KLHL29: variants seen among roughly 807,000 people sequenced by gnomAD.
The protein encoded by KLHL29 is kelch-like protein 29.
In KLHL29, 21 loss-of-function variants were observed where a neutral mutation model predicts 80.4. The observed-to-expected ratio is 0.26, with a 90% confidence interval of 0.19 to 0.38. KLHL29 has a LOEUF of 0.38. KLHL29 is among the 10% of genes least tolerant of loss of function. The probability of loss-of-function intolerance (pLI) is 1.00; values close to 1 mark genes in which losing one functional copy is unlikely to be tolerated. For missense variants in KLHL29, 867 were observed against 1,223.9 expected, an observed-to-expected ratio of 0.71 and a Z score of 4.35; for synonymous variants, 511 against 526.8, an observed-to-expected ratio of 0.97 and a Z score of 0.41.
chr2:23,439,204 T>C (rs1663437200), intron 1 of KLHL29, among the ~76,000 whole-genome samples: 1 of 151,788 alleles, frequency 6.6e-6, no homozygotes. Context: ...TCTCTCTTTT[T>C]TTCTTTATTA....
At chr2:23,469,028 C>T (rs1277777504) in intron 1 of KLHL29, among the ~76,000 whole-genome samples, 2 of 152,244 alleles carry the variant, frequency 1.3e-5, no homozygotes, top group Non-Finnish European at 2.9e-5. Flanking sequence ...TTGCTTTCTT[C>T]TCATGGCTCT....
At chr2:23,441,144 C>A (rs1352911533) in intron 1 of KLHL29, among the ~76,000 whole-genome samples, 2 of 152,028 alleles carry the variant, frequency 1.3e-5, no homozygotes, top group Non-Finnish European at 2.9e-5. Flanking sequence ...GAATACTATG[C>A]AGCCATAAAA....
intron 1 of KLHL29, among the ~76,000 whole-genome samples, chr2:23,463,017 CTT>C (rs1664256965): frequency 6.6e-6 from 1 of 150,376 alleles, no homozygotes; most frequent in Non-Finnish European, 1.5e-5. Flanking sequence ...AATATTTCCA[CTT>C]ATATTTCATG....
In KLHL29 at chr2:23,645,283, G is replaced by A. The variant is rs561705950; in HGVS notation, c.940+2433G>A. ...CTTTGAAACTTGCCATGTGAGAGTC[G>A]TGTTCCTGACAGGACCAGGTGGGCT... On this transcript the variant is annotated intron_variant, in intron 5 of 13. Transcript: ENST00000486442. 5.3e-5 allele frequency among the ~76,000 whole-genome samples: 8 copies of A among 152,244 alleles called. No individual in the cohort carries two copies. In the East Asian group the frequency reaches 1.4e-3, roughly 26 times the overall value.
intron 1 of KLHL29, among the ~76,000 whole-genome samples, chr2:23,387,702 A>T (rs959656498): frequency 6.6e-6 from 1 of 152,122 alleles, no homozygotes; most frequent in Non-Finnish European, 1.5e-5. Context: ...ATTAGTCCAT[A>T]ATCTAGGTGT....
chr2:23,671,067 G>C lies in KLHL29; in HGVS notation c.941-13332G>C, dbSNP rs1486618918. Among the ~76,000 whole-genome samples the C allele has an allele frequency of 3.0e-4, 4 of 13,326 alleles. 1 individual carries two copies. Among genetic ancestry groups the C allele is most frequent in the Non-Finnish European group, 1.9e-3 (3 of 1,558 alleles). The allele number at this position is 13,326 out of a possible 152,430, so 8.7% of individuals were successfully genotyped here. A position where few individuals can be genotyped will look rare whatever the true frequency, so the allele number is the denominator to read the frequency against. Reference sequence around the variant, plus strand: ...CCCAGCTGTGACTCCTCCCTGGATGGGATTCGCAGTGTTCTGAGCTGTCAT... The same window carrying C: ...CCCAGCTGTGACTCCTCCCTGGATGCGATTCGCAGTGTTCTGAGCTGTCAT... On this transcript the variant is annotated intron_variant, in intron 5 of 13. Coordinates refer to ENST00000486442, the MANE Select transcript of KLHL29 (RefSeq NM_052920.2).
At chr2:23,688,074 C>T (rs1356324361) in intron 6 of KLHL29, among the ~76,000 whole-genome samples, 1 of 152,152 alleles carries the variant, frequency 6.6e-6, no homozygotes, top group Admixed American at 6.5e-5. Flanking sequence ...GGTGGCAGCA[C>T]CTCGGTAGAG....
chr2:23,611,860 A>G (rs1194816004), intron 3 of KLHL29, among the ~76,000 whole-genome samples: 1 of 149,592 alleles, frequency 6.7e-6, no homozygotes, highest in Non-Finnish European at 1.5e-5. Flanking sequence ...TTAAGAATTC[A>G]ATGTCGAGTT....
intron 3 of KLHL29, among the ~76,000 whole-genome samples, chr2:23,605,337 G>A (rs1223261636): frequency 6.6e-6 from 1 of 151,614 alleles, no homozygotes; most frequent in African/African-American, 2.4e-5. Flanking sequence ...GGCTCAAGCA[G>A]TCCTCCCACC....
chr2:23,661,968 A>G (rs933242282), intron 5 of KLHL29, among the ~76,000 whole-genome samples: 3 of 152,210 alleles, frequency 2.0e-5, no homozygotes, highest in African/African-American at 7.2e-5. Context: ...CGCTTGGCAC[A>G]TGGTAGATGC....
intron 3 of KLHL29, among the ~76,000 whole-genome samples, chr2:23,610,790 T>C (rs1668838992): frequency 6.6e-6 from 1 of 152,260 alleles, no homozygotes; most frequent in Admixed American, 6.5e-5. Context: ...TGGACCTCAC[T>C]CGCCCCTGCA....
intron 3 of KLHL29, among the ~76,000 whole-genome samples, chr2:23,634,990 G>A (rs1669571305): frequency 6.6e-6 from 1 of 152,148 alleles, no homozygotes; most frequent in Admixed American, 6.5e-5. Flanking sequence ...AAGGCCCTGG[G>A]GGCAGTGCAT....
At chr2:23,421,045 T>G (rs1662783837) in intron 1 of KLHL29, among the ~76,000 whole-genome samples, 1 of 152,044 alleles carries the variant, frequency 6.6e-6, no homozygotes, top group Admixed American at 6.5e-5. Context: ...TTCTGGGAAG[T>G]AGGTATCATT....
At chr2:23,622,575 C>T (rs934733520) in intron 3 of KLHL29, among the ~76,000 whole-genome samples, 5 of 152,222 alleles carry the variant, frequency 3.3e-5, no homozygotes, top group Non-Finnish European at 5.9e-5. Flanking sequence ...CTCTTCTGGA[C>T]TCTCCCAACA....
chr2:23,521,771 C>T (rs928088882), intron 2 of KLHL29, among the ~76,000 whole-genome samples: 3 of 152,188 alleles, frequency 2.0e-5, no homozygotes, highest in Non-Finnish European at 4.4e-5. Flanking sequence ...AGAGCCAGGA[C>T]GTAAGGCTCT....
intron 2 of KLHL29, among the ~76,000 whole-genome samples, chr2:23,513,879 A>G (rs1174621373): frequency 6.6e-6 from 1 of 152,188 alleles, no homozygotes; most frequent in Non-Finnish European, 1.5e-5. Flanking sequence ...TATTTTAACA[A>G]CACATAGGCC....
intron 3 of KLHL29, among the ~76,000 whole-genome samples, chr2:23,597,629 C>T (rs1668462367): frequency 6.6e-6 from 1 of 151,336 alleles, no homozygotes; most frequent in African/African-American, 2.4e-5. Flanking sequence ...TTCACCGTGT[C>T]GGCCAGACTG....
At chr2:23,398,354 C>T (rs1438736083) in intron 1 of KLHL29, among the ~76,000 whole-genome samples, 3 of 152,222 alleles carry the variant, frequency 2.0e-5, no homozygotes, top group East Asian at 1.9e-4. Flanking sequence ...TGAAATAAGC[C>T]AGTCACGAAA....
At chr2:23,533,524 T>A (rs963959140) in intron 2 of KLHL29, among the ~76,000 whole-genome samples, 2 of 152,170 alleles carry the variant, frequency 1.3e-5, no homozygotes, top group African/African-American at 4.8e-5. Flanking sequence ...GGGTCGTAGA[T>A]GCAGCTCTGT....
Sources: allele counts gnomAD v4.1 joint callset (sites outside exome capture counted in the v4.1 genomes callset), GRCh38; gene constraint gnomAD v4.1.1; transcripts MANE v1.5; gene names NCBI Gene and HGNC (gene_info 2026-07-23, HGNC 2026-07-21).